DYNC2H1: variants seen among roughly 807,000 people sequenced by gnomAD.
The protein encoded by DYNC2H1 is cytoplasmic dynein 2 heavy chain 1.
A neutral mutation model predicts 570.0 loss-of-function variants in DYNC2H1; 410 were observed. The ratio of observed to expected loss-of-function variants is 0.72; its 90% CI spans 0.66 to 0.78. The LOEUF is 0.78. Among genes scored for constraint, DYNC2H1 ranks in the 30% least tolerant of loss-of-function variants. The pLI is 0.00. For missense variants in DYNC2H1, 4,865 were observed against 5,046.4 expected (o/e 0.96, Z 1.09); for synonymous variants, 1,688 against 1,677.6 (o/e 1.01, Z -0.15).
At chr11:103,148,828 G>A (rs1283422866) in intron 20 of DYNC2H1, among the ~76,000 whole-genome samples, 1 of 152,152 alleles carries the variant, frequency 6.6e-6, no homozygotes, top group African/African-American at 2.4e-5. Context: ...GGAGGCCGAG[G>A]CAGGCAGATC....
At chr11:103,175,210 ATGAAAGT>A (rs1861753412) in intron 36 of DYNC2H1, among the ~76,000 whole-genome samples, 1 of 152,212 alleles carries the variant, frequency 6.6e-6, no homozygotes, top group African/African-American at 2.4e-5. Context: ...TTAAAACACT[ATGAAAGT>A]AGAGACAACA....
intron 70 of DYNC2H1, among the ~76,000 whole-genome samples, chr11:103,279,099 G>T (rs946581492): frequency 6.6e-6 from 1 of 152,130 alleles, no homozygotes; most frequent in Non-Finnish European, 1.5e-5. Context: ...ATTTTGCATA[G>T]GTACCCTGTA....
chr11:103,442,185 T>G (rs1944293545), intron 85 of DYNC2H1, among the ~76,000 whole-genome samples: 2 of 152,144 alleles, frequency 1.3e-5, no homozygotes, highest in Non-Finnish European at 2.9e-5. Context: ...TTTATTGAGC[T>G]TCTATTATAT....
chr11:103,338,310 T>A (rs1331550151), intron 82 of DYNC2H1, among the ~76,000 whole-genome samples: 1 of 151,462 alleles, frequency 6.6e-6, no homozygotes, highest in Non-Finnish European at 1.5e-5. Flanking sequence ...AAGTATGATT[T>A]GCTCTAGTTT....
chr11:103,220,788 A>G lies in DYNC2H1; in HGVS notation c.9107+5A>G, dbSNP rs1863555806. On this transcript the variant is annotated splice_donor_5th_base_variant and intron_variant, in intron 57 of 88. Coordinates refer to ENST00000375735, the MANE Select transcript of DYNC2H1 (RefSeq NM_001377.3). ...ATCTTGGGTGAGCATGAAAAGGTACATTTTTCAATTTGTGAAAAATATTAT... is the reference window on the plus strand; with the variant it reads ...ATCTTGGGTGAGCATGAAAAGGTACGTTTTTCAATTTGTGAAAAATATTAT... 2 of 1,594,190 alleles carry G rather than the reference A, an allele frequency of 1.3e-6. No individual in the cohort carries two copies. Among genetic ancestry groups the G allele is most frequent in the East Asian group, 2.2e-5 (1 of 44,490 alleles).
chr11:103,224,186 G>A (rs572221596), intron 59 of DYNC2H1, among the ~76,000 whole-genome samples: 2 of 152,062 alleles, frequency 1.3e-5, no homozygotes, highest in South Asian at 2.1e-4. Flanking sequence ...ATTTGCTATC[G>A]TTACTAAGTC....
At chr11:103,341,162 A>C (rs911264332) in intron 82 of DYNC2H1, among the ~76,000 whole-genome samples, 1 of 152,166 alleles carries the variant, frequency 6.6e-6, no homozygotes, top group Non-Finnish European at 1.5e-5. Context: ...CTATCTGTAT[A>C]CTTCACTTCT....
intron 17 of DYNC2H1, among the ~76,000 whole-genome samples, chr11:103,140,346 G>T (rs1194861567): frequency 6.6e-6 from 1 of 152,060 alleles, no homozygotes; most frequent in African/African-American, 2.4e-5. Flanking sequence ...GCAGCGGCTG[G>T]TACCAGTTGT....
chr11:103,357,620 C>T lies in DYNC2H1; in HGVS notation c.12040-623C>T, dbSNP rs1057446789. 5.9e-5 allele frequency among the ~76,000 whole-genome samples: 9 copies of T among 152,188 alleles called. 1 individual carries two copies. In the South Asian group the frequency reaches 6.2e-4, roughly 11 times the overall value. On this transcript the variant is annotated intron_variant, in intron 82 of 88. Coordinates refer to ENST00000375735, the MANE Select transcript of DYNC2H1 (RefSeq NM_001377.3). Reference sequence around the variant, plus strand: ...GAAATGAACAAATAGAGACACTGAGCGGTTATTAATTATGAGTAATTAGAG... The same window carrying T: ...GAAATGAACAAATAGAGACACTGAGTGGTTATTAATTATGAGTAATTAGAG...
chr11:103,423,408 TAAAAAA>T (rs60223334), intron 84 of DYNC2H1, among the ~76,000 whole-genome samples: 13 of 120,502 alleles, frequency 1.1e-4, no homozygotes, highest in South Asian at 2.4e-4. Flanking sequence ...GCCAAAAAAG[TAAAAAA>T]AAAAAAAAAA....
In DYNC2H1 at chr11:103,168,936, A is replaced by T; in HGVS notation, c.4944A>T (p.Glu1648Asp). 1.9e-6 allele frequency: 3 copies of T among 1,611,846 alleles called. No individual in the cohort carries two copies. Among genetic ancestry groups the T allele is most frequent in the Non-Finnish European group, 2.5e-6 (3 of 1,179,152 alleles). The stretch of plus-strand genomic sequence containing the variant: ...GTTGTGTTCAAATGGTGGATTCTGA[A>T]TTTCAGTATACTTATGAATATCAGG... ...HTCCVQMVDSEFQYTYEYQGN... is the reference protein window; with the variant it reads ...HTCCVQMVDSDFQYTYEYQGN... Residue 1648 changes from glutamate (E) to aspartate (D), a missense_variant, in exon 32 of 89, where the codon GAA (glutamate) becomes GAT (aspartate). Physicochemically the swap from Glu to Asp is conservative, Grantham distance 45 (BLOSUM62 2). Transcript: ENST00000375735.
At chr11:103,477,012 G>C (rs1001960176) in intron 88 of DYNC2H1, among the ~76,000 whole-genome samples, 1 of 151,980 alleles carries the variant, frequency 6.6e-6, no homozygotes, top group Non-Finnish European at 1.5e-5. Flanking sequence ...TATATCTGGA[G>C]CTCTTTAATA....
Position 103,241,668 on chromosome 11 carries a change from T to A in DYNC2H1, c.9820-2025T>A. 2 of 749,470 alleles carry A rather than the reference T, an allele frequency of 2.7e-6. No individual in the cohort carries two copies. The highest frequency in any genetic ancestry group is 4.3e-6 in the Non-Finnish European group (2 of 460,754). The allele number at this position is 749,470 out of a possible 1,614,324, so 46.4% of individuals were successfully genotyped here. A position where few individuals can be genotyped will look rare whatever the true frequency, so the allele number is the denominator to read the frequency against. Reference sequence around the variant, plus strand: ...GATCAAAAACCTAGGTGCAGCACCATGGTAACACTTCACAGGCTATTTACT... The same window carrying A: ...GATCAAAAACCTAGGTGCAGCACCAAGGTAACACTTCACAGGCTATTTACT... On this transcript the variant is annotated intron_variant, in intron 63 of 88. Coordinates refer to ENST00000375735, the MANE Select transcript of DYNC2H1 (RefSeq NM_001377.3). The surrounding 1 kb of genome is among the most constrained non-coding windows in gnomAD (Gnocchi z 5.1).
At chr11:103,442,964 G>A (rs1944315161) in intron 85 of DYNC2H1, among the ~76,000 whole-genome samples, 2 of 123,580 alleles carry the variant, frequency 1.6e-5, no homozygotes, top group Non-Finnish European at 3.3e-5. Context: ...CTTGATTTAT[G>A]AGCCCTTTTT....
chr11:103,469,563 GTATT>G (rs1265040307), intron 88 of DYNC2H1, among the ~76,000 whole-genome samples: 2 of 152,072 alleles, frequency 1.3e-5, no homozygotes, highest in African/African-American at 4.8e-5. Context: ...ATGCACCAGA[GTATT>G]TATTTAAGGA....
chr11:103,454,592 G>A (rs890493817), intron 85 of DYNC2H1, among the ~76,000 whole-genome samples: 3 of 152,268 alleles, frequency 2.0e-5, no homozygotes, highest in Non-Finnish European at 2.9e-5. Context: ...AAAGCATATA[G>A]TAAGTGTTAC....
intron 36 of DYNC2H1, among the ~76,000 whole-genome samples, chr11:103,175,940 G>A (rs1387851748): frequency 6.6e-6 from 1 of 152,042 alleles, no homozygotes; most frequent in East Asian, 1.9e-4. Flanking sequence ...TATAAAAGGT[G>A]AAGTACTATG....
chr11:103,226,081 G>A (rs1267378412), intron 59 of DYNC2H1, among the ~76,000 whole-genome samples: 1 of 152,034 alleles, frequency 6.6e-6, no homozygotes, highest in East Asian at 1.9e-4. Flanking sequence ...AAACTTTGCT[G>A]TATTCATTTA....
At position 103,129,025 on chromosome 11, in the gene DYNC2H1, T is replaced by A. The variant is rs1565323118; in HGVS notation, c.1953+20T>A. 1 of 1,562,602 alleles carries A rather than the reference T, an allele frequency of 6.4e-7. No homozygotes were observed. The highest frequency in any genetic ancestry group is 1.7e-5 in the Admixed American group (1 of 57,152). ...ATTAAGGTAAATGGGCTTTTAATTT[T>A]ATTATAATTAGATTTTACATGTGAA... On this transcript the variant is annotated intron_variant, in intron 13 of 88. Transcript: ENST00000375735. The surrounding 1 kb of genome is among the most constrained non-coding windows in gnomAD (Gnocchi z 4.1).
Sources: gnomAD v4.1 joint callset for allele counts (sites outside exome capture counted in the v4.1 genomes callset) on GRCh38, gnomAD v4.1.1 for gene constraint, Gnocchi (gnomAD v3.1) non-coding constraint, MANE v1.5 for transcripts, NCBI Gene and HGNC (gene_info 2026-07-23, HGNC 2026-07-21) for gene names.